MARCHF1: variants seen among roughly 807,000 people sequenced by gnomAD.
The protein encoded by MARCHF1 is membrane associated ring-CH-type finger 1.
In MARCHF1, 40 loss-of-function variants were observed where a neutral mutation model predicts 54.2. The observed-to-expected ratio is 0.74, with a 90% confidence interval of 0.57 to 0.96. The LOEUF is 0.96. Among genes scored for constraint, MARCHF1 ranks in the 40% least tolerant of loss-of-function variants. The probability of loss-of-function intolerance (pLI) is 0.00; values close to 1 mark genes in which losing one functional copy is unlikely to be tolerated. For synonymous variants in MARCHF1, 236 were observed against 236.3 expected (o/e 1.00, Z 0.01); for missense variants, 586 against 656.5 (o/e 0.89, Z 1.17).
At chr4:163,751,500 T>C (rs1746520220) in intron 4 of MARCHF1, among the ~76,000 whole-genome samples, 1 of 151,916 alleles carries the variant, frequency 6.6e-6, no homozygotes, top group Non-Finnish European at 1.5e-5. Context: ...TGTAGGAAAA[T>C]TAATATAATT....
intron 3 of MARCHF1, among the ~76,000 whole-genome samples, chr4:163,881,046 A>G (rs1750404118): frequency 6.6e-6 from 1 of 152,192 alleles, no homozygotes; most frequent in Non-Finnish European, 1.5e-5. Flanking sequence ...GTAAACCAGC[A>G]TCATTACAGA....
intron 5 of MARCHF1, among the ~76,000 whole-genome samples, chr4:163,638,077 C>T (rs1310435473): frequency 8.1e-6 from 1 of 122,752 alleles, no homozygotes; most frequent in African/African-American, 3.2e-5. Context: ...GAACATCACA[C>T]TCTGGGGACT....
At chr4:164,161,525 A>AATC (rs71600682) in intron 1 of MARCHF1, among the ~76,000 whole-genome samples, 55,589 of 149,262 alleles carry the variant, frequency 0.37, 11,513 homozygotes, top group Non-Finnish European at 0.48. Flanking sequence ...GTGATATCAA[A>AATC]ATCATCATCA....
chr4:164,267,837 C>G (rs12711365), intron 1 of MARCHF1, among the ~76,000 whole-genome samples: 73,085 of 151,830 alleles, frequency 0.48, 20,180 homozygotes, highest in African/African-American at 0.73. Flanking sequence ...TCTGAGTGGA[C>G]AGAGAAAATG....
intron 4 of MARCHF1, among the ~76,000 whole-genome samples, chr4:163,767,086 G>A (rs1320386675): frequency 8.3e-6 from 1 of 120,982 alleles, no homozygotes; most frequent in Non-Finnish European, 1.6e-5. Context: ...TTCAGATAAG[G>A]ATACGGCGAT....
intron 1 of MARCHF1, among the ~76,000 whole-genome samples, chr4:164,158,602 C>T (rs1024093895): frequency 3.3e-5 from 5 of 152,112 alleles, no homozygotes; most frequent in African/African-American, 9.7e-5. Context: ...GATCATGCCA[C>T]TGCACTCCAG....
intron 8 of MARCHF1, among the ~76,000 whole-genome samples, chr4:163,576,282 A>C (rs1161048856): frequency 6.6e-6 from 1 of 152,008 alleles, no homozygotes. Context: ...TTTCTGCCTT[A>C]ATGTAATTGT....
chr4:163,779,311 A>G (rs1407740257), intron 4 of MARCHF1, among the ~76,000 whole-genome samples: 1 of 152,230 alleles, frequency 6.6e-6, no homozygotes, highest in South Asian at 2.1e-4. Context: ...AGTTAAATAT[A>G]TGAAAGATAA....
intron 3 of MARCHF1, among the ~76,000 whole-genome samples, chr4:163,873,584 T>C (rs140626627): frequency 6.6e-6 from 1 of 152,220 alleles, no homozygotes; most frequent in African/African-American, 2.4e-5. Context: ...ACAGGAGCTC[T>C]GGCTTCCCCA....
intron 1 of MARCHF1, among the ~76,000 whole-genome samples, chr4:164,112,683 A>G (rs1755858852): frequency 6.6e-6 from 1 of 151,966 alleles, no homozygotes; most frequent in South Asian, 2.1e-4. Context: ...TGACACTGGG[A>G]ACACATTGTA....
intron 2 of MARCHF1, among the ~76,000 whole-genome samples, chr4:164,041,533 A>G (rs1472836914): frequency 6.6e-6 from 1 of 152,204 alleles, no homozygotes; most frequent in African/African-American, 2.4e-5. Context: ...TTAATTACAC[A>G]GCCAAATTAG....
chr4:163,754,533 A>C (rs1269714472), intron 4 of MARCHF1, among the ~76,000 whole-genome samples: 1 of 152,182 alleles, frequency 6.6e-6, no homozygotes, highest in Non-Finnish European at 1.5e-5. Context: ...CCTCCGTAAT[A>C]ATGAAAAGCT....
chr4:163,658,603 T>C (rs374630584), intron 5 of MARCHF1, among the ~76,000 whole-genome samples: 1 of 151,598 alleles, frequency 6.6e-6, no homozygotes, highest in Non-Finnish European at 1.5e-5. Context: ...TGGAATAATA[T>C]ACAGCCATAA....
intron 1 of MARCHF1, among the ~76,000 whole-genome samples, chr4:164,163,690 A>G (rs1462699592): frequency 6.6e-6 from 1 of 151,934 alleles, no homozygotes; most frequent in Non-Finnish European, 1.5e-5. Flanking sequence ...GAGAGAATGA[A>G]TAATCAGAAA....
intron 7 of MARCHF1, among the ~76,000 whole-genome samples, chr4:163,603,653 A>G (rs1741049614): frequency 6.6e-6 from 1 of 152,096 alleles, no homozygotes; most frequent in Non-Finnish European, 1.5e-5. Flanking sequence ...TCTTGCAACC[A>G]ACTCCCTTAC....
chr4:163,697,196 G>A (rs554469619), intron 5 of MARCHF1, among the ~76,000 whole-genome samples: 8 of 152,112 alleles, frequency 5.3e-5, no homozygotes, highest in Non-Finnish European at 1.2e-4. Flanking sequence ...GTTTTTACTG[G>A]GGGCTGAGGG....
At chr4:163,823,884 TAA>T (rs35437751) in intron 4 of MARCHF1, among the ~76,000 whole-genome samples, 119,728 of 151,562 alleles carry the variant, frequency 0.79, 48,301 homozygotes, top group South Asian at 0.91. Flanking sequence ...TAAGTTATGT[TAA>T]AGTTTCAATA....
intron 1 of MARCHF1, among the ~76,000 whole-genome samples, chr4:164,247,814 C>A (rs1732999879): frequency 6.8e-6 from 1 of 147,596 alleles, no homozygotes; most frequent in Admixed American, 6.9e-5. Context: ...CTAGAACATT[C>A]CATCTAGTAT....
At chr4:164,312,966 T>G (rs1301918516) in intron 1 of MARCHF1, among the ~76,000 whole-genome samples, 1 of 152,056 alleles carries the variant, frequency 6.6e-6, no homozygotes, top group Non-Finnish European at 1.5e-5. Flanking sequence ...AAGTCAGTAC[T>G]CACTCTCAAT....
Sources: gnomAD v4.1 joint callset for allele counts (sites outside exome capture counted in the v4.1 genomes callset) on GRCh38, gnomAD v4.1.1 for gene constraint, MANE v1.5 for transcripts, NCBI Gene and HGNC (gene_info 2026-07-23, HGNC 2026-07-21) for gene names.